CLMP: variants seen among roughly 807,000 people sequenced by gnomAD.
CLMP encodes the protein CXADR like cell adhesion molecule, also known as CXADR-like membrane protein.
A neutral mutation model predicts 45.2 loss-of-function variants in CLMP; 27 were observed. The observed-to-expected ratio is 0.60, with a 90% CI of 0.44 to 0.82. The LOEUF is 0.82. CLMP is among the 40% of genes least tolerant of loss of function. CLMP has a pLI of 0.00. For synonymous variants in CLMP, 167 were observed against 171.4 expected (o/e 0.97, Z 0.20); for missense variants, 403 against 448.4 (o/e 0.90, Z 0.91).
At chr11:123,154,053 A>G (rs1861378824) in intron 1 of CLMP, among the ~76,000 whole-genome samples, 1 of 151,660 alleles carries the variant, frequency 6.6e-6, no homozygotes, top group South Asian at 2.1e-4. Context: ...AGGTGTTGGG[A>G]TTGGACACCT....
At chr11:123,176,029 T>G (rs1014693033) in intron 1 of CLMP, among the ~76,000 whole-genome samples, 1 of 152,230 alleles carries the variant, frequency 6.6e-6, no homozygotes, top group African/African-American at 2.4e-5. Context: ...AAAATATAGA[T>G]GATGTAATCT....
intron 1 of CLMP, among the ~76,000 whole-genome samples, chr11:123,163,968 C>T (rs1861522088): frequency 6.6e-6 from 1 of 152,090 alleles, no homozygotes; most frequent in East Asian, 1.9e-4. Context: ...GACAATAGTG[C>T]CCACATTTTG....
chr11:123,171,630 G>C (rs1172256466), intron 1 of CLMP, among the ~76,000 whole-genome samples: 1 of 151,782 alleles, frequency 6.6e-6, no homozygotes, highest in Non-Finnish European at 1.5e-5. Flanking sequence ...TTTTAGTAGA[G>C]ACAGGGTTTC....
intron 1 of CLMP, among the ~76,000 whole-genome samples, chr11:123,170,956 T>A (rs2135540737): frequency 6.6e-6 from 1 of 152,312 alleles, no homozygotes; most frequent in Non-Finnish European, 1.5e-5. Flanking sequence ...GATCATATGA[T>A]CTTATGTGGG....
At chr11:123,112,314 ATTTC>A (rs1036287247) in intron 1 of CLMP, among the ~76,000 whole-genome samples, 4 of 150,642 alleles carry the variant, frequency 2.7e-5, no homozygotes, top group African/African-American at 4.9e-5. Context: ...CTTCAGGCCA[ATTTC>A]TTTCTTTCTT....
chr11:123,180,600 TA>T (rs11353703), intron 1 of CLMP, among the ~76,000 whole-genome samples: 73,630 of 137,134 alleles, frequency 0.54, 18,754 homozygotes, highest in East Asian at 0.62. Flanking sequence ...TGCATAGGAG[TA>T]AAAAAAAAAA....
intron 1 of CLMP, among the ~76,000 whole-genome samples, chr11:123,140,550 A>G (rs941778818): frequency 2.0e-5 from 3 of 152,010 alleles, no homozygotes; most frequent in African/African-American, 4.8e-5. Context: ...ACCTGCCTCC[A>G]TCTTATACCT....
intron 1 of CLMP, among the ~76,000 whole-genome samples, chr11:123,100,020 A>C (rs577927860): frequency 2.6e-5 from 4 of 152,316 alleles, no homozygotes; most frequent in East Asian, 3.9e-4. Context: ...TGTGATAGTC[A>C]AAACTACGGA....
At chr11:123,158,014 C>A (rs1861438485) in intron 1 of CLMP, among the ~76,000 whole-genome samples, 2 of 152,130 alleles carry the variant, frequency 1.3e-5, no homozygotes, top group Admixed American at 1.3e-4. Flanking sequence ...TGCACAAAAC[C>A]CCCAGTTTCG....
intron 1 of CLMP, among the ~76,000 whole-genome samples, chr11:123,150,050 C>T (rs1413881864): frequency 6.6e-6 from 1 of 151,880 alleles, no homozygotes; most frequent in East Asian, 1.9e-4. Flanking sequence ...GGTGATCCTC[C>T]CATCTCAGCC....
At chr11:123,123,589 A>C (rs1450498115) in intron 1 of CLMP, among the ~76,000 whole-genome samples, 1 of 152,114 alleles carries the variant, frequency 6.6e-6, no homozygotes, top group Non-Finnish European at 1.5e-5. Context: ...ATTGGTGGCG[A>C]GTCCCATGAG....
intron 1 of CLMP, among the ~76,000 whole-genome samples, chr11:123,114,173 T>C (rs12275310): frequency 0.21 from 31,386 of 152,098 alleles, 3,356 homozygotes; most frequent in Admixed American, 0.28. Flanking sequence ...AGACTTACTA[T>C]GAAAAAGAAA....
Position 123,097,779 on chromosome 11 carries a change from C to A in CLMP, c.186+16G>T. 2 of 1,547,838 alleles carry A rather than the reference C, an allele frequency of 1.3e-6. No homozygotes were observed. Among genetic ancestry groups the A allele is most frequent in the African/African-American group, 1.4e-5 (1 of 72,756 alleles). ...GGACAAGAAGGAGGAGGGACTCCAG[C>A]CAGGTGTCTACTTACCACTTTTTGG... On this transcript the variant is annotated intron_variant, in intron 2 of 6. Coordinates refer to ENST00000448775, the MANE Select transcript of CLMP (RefSeq NM_024769.5).
At position 123,097,867 on chromosome 11, in the gene CLMP, T is replaced by C. The variant is rs1485261975; in HGVS notation, c.114A>G (p.Gln38=). The change falls in exon 2 of 7, where the codon CAA becomes CAG. Residue 38 remains glutamine (Q), a synonymous_variant. Transcript: ENST00000448775. ...EEKVTLPCHH[Q]LGLPEKDTLD... ...GAGTGTCTTTTTCTGGAAGCCCCAG[T>C]TGATGGTGGCAGGGCAAAGTGACCT... 2.5e-6 allele frequency: 4 copies of C among 1,611,256 alleles called. No homozygotes were observed. In the Admixed American group the frequency reaches 5.0e-5, roughly 20 times the overall value.
chr11:123,166,203 G>A (rs1861554574), intron 1 of CLMP, among the ~76,000 whole-genome samples: 1 of 152,170 alleles, frequency 6.6e-6, no homozygotes, highest in African/African-American at 2.4e-5. Context: ...CCCAAGTTCT[G>A]GGGCACTGGT....
intron 5 of CLMP, among the ~76,000 whole-genome samples, chr11:123,081,686 T>C (rs1276746561): frequency 1.3e-5 from 2 of 151,828 alleles, no homozygotes; most frequent in African/African-American, 4.8e-5. Flanking sequence ...GCCTGGCCAA[T>C]GTGGCAAAAC....
At chr11:123,141,943 A>G (rs2135517662) in intron 1 of CLMP, among the ~76,000 whole-genome samples, 1 of 150,622 alleles carries the variant, frequency 6.6e-6, no homozygotes, top group South Asian at 2.1e-4. Context: ...TCTCTGGTAG[A>G]GCCAGAGAGA....
At chr11:123,193,889 G>C (rs1861941876) in intron 1 of CLMP, among the ~76,000 whole-genome samples, 1 of 152,142 alleles carries the variant, frequency 6.6e-6, no homozygotes, top group Non-Finnish European at 1.5e-5. Flanking sequence ...CTCTCCCGTG[G>C]CCTGGTGTTC....
At chr11:123,172,446 G>A (rs1054851860) in intron 1 of CLMP, among the ~76,000 whole-genome samples, 24 of 143,388 alleles carry the variant, frequency 1.7e-4, no homozygotes, top group African/African-American at 6.0e-4. Flanking sequence ...ATGTTAATTT[G>A]TGCCAGTGTT....
Sources: gnomAD v4.1 joint callset for allele counts (sites outside exome capture counted in the v4.1 genomes callset) on GRCh38, gnomAD v4.1.1 for gene constraint, MANE v1.5 for transcripts, NCBI Gene and HGNC (gene_info 2026-07-23, HGNC 2026-07-21) for gene names.